Variants in DLG5 observed in about 807,000 individuals in gnomAD.
The protein encoded by DLG5 is discs large MAGUK scaffold protein 5.
A neutral mutation model predicts 189.8 loss-of-function variants in DLG5; 48 were observed. The ratio of observed to expected loss-of-function variants is 0.25; its 90% CI spans 0.20 to 0.32. The LOEUF is 0.32. Among genes scored for constraint, DLG5 ranks in the 10% least tolerant of loss-of-function variants. The pLI, the probability that DLG5 is intolerant of heterozygous loss-of-function variation, is 1.00. For missense variants in DLG5, 2,160 were observed against 2,544.7 expected, an observed-to-expected ratio of 0.85 and a Z score of 3.25; for synonymous variants, 1,016 against 1,054.1, an observed-to-expected ratio of 0.96 and a Z score of 0.70.
chr10:77,836,982 A>G (rs908527694), intron 7 of DLG5, among the ~76,000 whole-genome samples: 3 of 152,150 alleles, frequency 2.0e-5, no homozygotes, highest in Admixed American at 6.5e-5. Flanking sequence ...TGGGAGGCCA[A>G]GGCAGGCAGA....
chr10:77,852,489 C>T (rs570043094), intron 5 of DLG5, among the ~76,000 whole-genome samples: 1 of 152,286 alleles, frequency 6.6e-6, no homozygotes, highest in South Asian at 2.1e-4. Context: ...AATCTTGGCT[C>T]ACCGCATGCT....
rs1842069440 is a variant in DLG5 at position 77,816,678 on chromosome 10, T to A, written c.3898A>T (p.Ser1300Cys). ...ERGSVSHSEC[S>C]TPPQSPLNID... ...TTCAGGGGTGACTGTGGAGGAGTGC[T>A]GCATTCAGAATGTGACACTGAACCT... The change falls in exon 20 of 32, where the codon AGC becomes TGC. Residue 1300 changes from serine (S) to cysteine (C), a missense_variant. By Grantham distance (112) the Ser-to-Cys change is moderately radical (BLOSUM62 -1). Coordinates refer to ENST00000372391, the MANE Select transcript of DLG5 (RefSeq NM_004747.4). 3 of 1,612,188 alleles carry A rather than the reference T, an allele frequency of 1.9e-6. No homozygotes were observed. In the East Asian group the frequency reaches 6.7e-5, roughly 36 times the overall value.
chr10:77,809,811 C>T (rs1178851081), intron 23 of DLG5, 81 bp from the exon 24 acceptor site: 31 of 1,470,064 alleles, frequency 2.1e-5, no homozygotes, highest in Middle Eastern at 3.9e-4. Flanking sequence ...ATGCCCTAAC[C>T]GCTTTCTGCC....
intron 17 of DLG5, 44 bp downstream of exon 17, chr10:77,819,277 T>C: frequency 6.2e-7 from 1 of 1,612,978 alleles, no homozygotes; most frequent in Non-Finnish European, 8.5e-7. Context: ...CCAGGCAGGC[T>C]TGGGCAGCTG....
At chr10:77,933,698 C>A in the DLG5 span, among the ~76,000 whole-genome samples, 2 of 143,290 alleles carry the variant, frequency 1.4e-5, no homozygotes, top group Non-Finnish European at 3.1e-5. Flanking sequence ...CACTCCAGCC[C>A]GGGTAACAGA....
Position 77,792,237 on chromosome 10 carries a change from C to A in DLG5, c.*203G>T. On this transcript the variant is annotated 3_prime_UTR_variant, in exon 32 of 32. Coordinates refer to ENST00000372391, the MANE Select transcript of DLG5 (RefSeq NM_004747.4). ...TTTGTGTTAAAGCACACGTGTGACACGGGCAGAGTGTGTGGGCCTGGGCCT... is the reference window on the plus strand; with the variant it reads ...TTTGTGTTAAAGCACACGTGTGACAAGGGCAGAGTGTGTGGGCCTGGGCCT... The A allele has an allele frequency of 1.7e-6, 1 of 603,180 alleles. No homozygotes were observed. Among genetic ancestry groups the A allele is most frequent in the South Asian group, 2.0e-5 (1 of 50,682 alleles). The allele number at this position is 603,180 out of a possible 1,614,324, so 37.4% of individuals were successfully genotyped here. A position where few individuals can be genotyped will look rare whatever the true frequency, so the allele number is the denominator to read the frequency against.
In DLG5 at chr10:77,796,257, A is replaced by C; in HGVS notation, c.5309-69T>G. On this transcript the variant is annotated intron_variant, in intron 28 of 31. Transcript: ENST00000372391. The surrounding 1 kb of genome is among the most constrained non-coding windows in gnomAD (Gnocchi z 5.2). ...TGAGCCCCAGCAGAGGGAGCAGGGG[A>C]AGAACACTGCTCAGCAGCTGTCAGT... is the stretch of plus-strand genomic sequence containing the variant. 6.2e-7 allele frequency: 1 copy of C among 1,608,990 alleles called. No homozygotes were observed. The highest frequency in any genetic ancestry group is 8.5e-7 in the Non-Finnish European group (1 of 1,176,552).
chr10:77,837,035 TAAA>T (rs894297279), intron 7 of DLG5, among the ~76,000 whole-genome samples: 5 of 151,734 alleles, frequency 3.3e-5, no homozygotes, highest in African/African-American at 9.7e-5. Flanking sequence ...ACCAACATGG[TAAA>T]ACCCCATCTC....
Position 77,926,568 on chromosome 10 carries a change from C to T in DLG5, c.-48G>A. 2.5e-6 allele frequency: 3 copies of T among 1,204,868 alleles called. No homozygotes were observed. The highest frequency in any genetic ancestry group is 3.1e-6 in the Non-Finnish European group (3 of 971,470). 74.6% of individuals were successfully genotyped at this position (1,204,868 alleles called of 1,614,324 possible). On this transcript the variant is annotated 5_prime_UTR_variant, in exon 1 of 32. Coordinates refer to ENST00000372391, the MANE Select transcript of DLG5 (RefSeq NM_004747.4). The surrounding 1 kb of genome is among the most constrained non-coding windows in gnomAD (Gnocchi z 5.2). ...CCCCGCCGGACGCCTCCCGGGCCCC[C>T]CGAGGCCGGCGGGCGGGCAGGCGAG... is the stretch of plus-strand genomic sequence containing the variant.
intron 13 of DLG5, 42 bp from the exon 14 acceptor site, chr10:77,824,518 G>C: frequency 6.6e-7 from 1 of 1,509,114 alleles, no homozygotes; most frequent in Middle Eastern, 1.7e-4. Context: ...AGGCAGAGCG[G>C]CCTCAGGCCT....
intron 1 of DLG5, 104 bp from the exon 2 acceptor site, chr10:77,869,301 AC>A: frequency 9.4e-7 from 1 of 1,063,798 alleles, no homozygotes; most frequent in Admixed American, 2.1e-5. Context: ...AGCTACATGC[AC>A]CAGGCACTAG....
chr10:77,926,902 T>A (rs1354484693), upstream of DLG5: 1 of 341,566 alleles, frequency 2.9e-6, no homozygotes, highest in Non-Finnish European at 6.0e-6. This position sits in a 1 kb window ranked among gnomAD's most constrained non-coding sequence, Gnocchi z 5.2. Flanking sequence ...GCGAGAAAAC[T>A]CGCCCCGAAA....
chr10:77,928,135 C>A (rs1846748758), upstream of DLG5: 1 of 152,214 alleles, frequency 6.6e-6, no homozygotes, highest in Non-Finnish European at 1.5e-5. Context: ...GGACTCCCCT[C>A]TAAGCAGCTG....
chr10:77,873,044 C>A (rs1844968694), intron 1 of DLG5, among the ~76,000 whole-genome samples: 1 of 151,578 alleles, frequency 6.6e-6, no homozygotes, highest in Non-Finnish European at 1.5e-5. Context: ...CACACACACA[C>A]ACACACACGA....
intron 1 of DLG5, among the ~76,000 whole-genome samples, chr10:77,916,050 C>G (rs1382009130): frequency 6.6e-6 from 1 of 151,824 alleles, no homozygotes; most frequent in Non-Finnish European, 1.5e-5. Context: ...GACCTTGTCT[C>G]TACTAAAAAT....
At chr10:77,924,259 T>C (rs1846620217) in intron 1 of DLG5, among the ~76,000 whole-genome samples, 1 of 152,180 alleles carries the variant, frequency 6.6e-6, no homozygotes, top group African/African-American at 2.4e-5. Context: ...GTCACATAAC[T>C]CTGCATTGTG....
chr10:77,886,331 G>A (rs958242863), intron 1 of DLG5, among the ~76,000 whole-genome samples: 4 of 150,852 alleles, frequency 2.7e-5, no homozygotes, highest in African/African-American at 7.3e-5. Flanking sequence ...AGAAATGCTT[G>A]CCCCCTTAGG....
chr10:77,865,449 TCTC>T (rs1472354929), intron 2 of DLG5, among the ~76,000 whole-genome samples: 20 of 152,042 alleles, frequency 1.3e-4, no homozygotes, highest in Admixed American at 1.3e-3. Flanking sequence ...TCCAGCAATT[TCTC>T]CTGCCGATAA....
intron 13 of DLG5, among the ~76,000 whole-genome samples, chr10:77,828,634 T>C (rs1161727674): frequency 6.6e-6 from 1 of 151,916 alleles, no homozygotes; most frequent in Admixed American, 6.6e-5. Context: ...CAGAGAGAGA[T>C]AGAGAAAGGT....
Sources: allele counts gnomAD v4.1 joint callset (sites outside exome capture counted in the v4.1 genomes callset), GRCh38; gene constraint gnomAD v4.1.1; non-coding constraint Gnocchi (gnomAD v3.1); transcripts MANE v1.5; gene names NCBI Gene and HGNC (gene_info 2026-07-23, HGNC 2026-07-21).